MYO15A: variants seen among roughly 807,000 people sequenced by gnomAD.
MYO15A encodes the protein myosin XVA.
Under a neutral mutation model 394.6 loss-of-function variants are expected in MYO15A, and 308 were observed. The observed-to-expected ratio is 0.78, with a 90% CI of 0.71 to 0.86. MYO15A has a LOEUF of 0.86. MYO15A is among the 40% of genes least tolerant of loss of function. MYO15A has a pLI of 0.00. For missense variants in MYO15A, 4,606 were observed against 4,799.1 expected, an observed-to-expected ratio of 0.96 and a Z score of 1.19; for synonymous variants, 1,957 against 2,003.8, an observed-to-expected ratio of 0.98 and a Z score of 0.62.
In MYO15A at chr17:18,140,590, C is replaced by T. The variant is rs1368620740; in HGVS notation, c.5285C>T (p.Thr1762Ile). 6.2e-7 allele frequency: 1 copy of T among 1,613,764 alleles called. No individual in the cohort carries two copies. The highest frequency in any genetic ancestry group is 1.1e-5 in the South Asian group (1 of 91,086). The change falls in exon 20 of 66, where the codon ACT becomes ATT. Residue 1762 changes from threonine to isoleucine, a missense_variant. By Grantham distance (89) the Thr-to-Ile change is moderately conservative. Around this residue, in one of 2 missense-constraint regions of MYO15A, gnomAD observed 2,776 missense variants for 3,109.3 expected, o/e 0.89. Coordinates refer to ENST00000647165, the MANE Select transcript of MYO15A (RefSeq NM_016239.4). ...CGCCTGGGCAAGAGCAGCTCCGTCA[C>T]TCGGCTCTACAAGGCGCACACTGTG... Reference protein sequence around the residue: ...PQRLGKSSSVTRLYKAHTVAA... With the variant: ...PQRLGKSSSVIRLYKAHTVAA...
At position 18,140,477 on chromosome 17, in the gene MYO15A, A is replaced by G. The variant is rs535346806; in HGVS notation, c.5212-40A>G. 1.9e-6 allele frequency: 3 copies of G among 1,612,762 alleles called. No individual in the cohort carries two copies. In the African/African-American group the frequency reaches 4.0e-5, roughly 22 times the overall value. On this transcript the variant is annotated intron_variant, in intron 19 of 65. Coordinates refer to ENST00000647165, the MANE Select transcript of MYO15A (RefSeq NM_016239.4). ...CTTCCTCCTCATTTCGGTCTCCCGGACCCTGCCTGTCTGTTTTCCCTGCCC... is the reference window on the plus strand; with the variant it reads ...CTTCCTCCTCATTTCGGTCTCCCGGGCCCTGCCTGTCTGTTTTCCCTGCCC...
rs112387527 is a variant in MYO15A at position 18,136,617 on chromosome 17, G to A, written c.4710G>A (p.Arg1570=). The A allele has an allele frequency of 1.1e-4, 181 of 1,613,834 alleles. 1 individual carries two copies. In the African/African-American group the frequency reaches 1.8e-3, roughly 16 times the overall value. The change falls in exon 15 of 66, where the codon AGG becomes AGA. Residue 1570 remains arginine, a synonymous_variant. Coordinates refer to ENST00000647165, the MANE Select transcript of MYO15A (RefSeq NM_016239.4). ...YALLFSWLIT[R]VNALVSPRQD... ...TGCTGTTCAGCTGGCTCATCACCAG[G>A]GTCAACGCGCTGGTGTCCCCAAGGC...
rs552394024 is a variant in MYO15A, at chr17:18,146,753, T to C, written c.6509+646T>C. Among the ~76,000 whole-genome samples, 148 of 152,250 alleles carry C rather than the reference T, an allele frequency of 9.7e-4. 1 individual carries two copies. Among genetic ancestry groups the C allele is most frequent in the Admixed American group, 2.6e-4 (4 of 15,298 alleles). On this transcript the variant is annotated intron_variant, in intron 30 of 65. Coordinates refer to ENST00000647165, the MANE Select transcript of MYO15A (RefSeq NM_016239.4). ...CAGCCTGGACAATGTATTGAGACCT[T>C]GTCTCTGCAAAAAATTTAAAAATTA...
At chr17:18,162,775 A>G (rs2046795551) in intron 58 of MYO15A, 96 bp downstream of exon 58, 2 of 1,268,488 alleles carry the variant, frequency 1.6e-6, no homozygotes, top group Admixed American at 1.9e-5. Flanking sequence ...TGAGGCGGGC[A>G]GATCACCTGA....
chr17:18,151,968 G>A lies in MYO15A; in HGVS notation c.7893+17G>A. On this transcript the variant is annotated intron_variant, in intron 41 of 65. Coordinates refer to ENST00000647165, the MANE Select transcript of MYO15A (RefSeq NM_016239.4). ...GGCACCCAGGTGAGGGGGGAAGGTG[G>A]GGCTGAGCCCAGGTGGAACAGAAGA... is the stretch of plus-strand genomic sequence containing the variant. 6.4e-7 allele frequency: 1 copy of A among 1,552,500 alleles called. No homozygotes were observed.
intron 48 of MYO15A, among the ~76,000 whole-genome samples, chr17:18,156,552 C>T (rs941166058): frequency 6.6e-6 from 1 of 152,244 alleles, no homozygotes; most frequent in Admixed American, 6.5e-5. Context: ...ACAGCACCTC[C>T]TCTGAGGTCT....
At position 18,128,174 on chromosome 17, in the gene MYO15A, T is replaced by C. The variant is rs116114383; in HGVS notation, c.4032+1009T>C. Among the ~76,000 whole-genome samples the C allele has an allele frequency of 2.4e-3, 367 of 152,018 alleles. 2 individuals are homozygous for C. Among genetic ancestry groups the C allele is most frequent in the African/African-American group, 8.3e-3 (345 of 41,432 alleles). On this transcript the variant is annotated intron_variant, in intron 7 of 65. Transcript: ENST00000647165. ...ACTGTCGGAGGGTGACCCCAGACAT[T>C]CGGTCTGAGCCACAGGCAGCATGGA...
Position 18,155,050 on chromosome 17 carries a change from C to T in MYO15A, c.8225-60C>T, listed in dbSNP as rs374306436. 87 of 1,510,770 alleles carry T rather than the reference C, an allele frequency of 5.8e-5. 1 individual carries two copies. In the East Asian group the frequency reaches 8.6e-4, roughly 15 times the overall value. 93.6% of individuals were successfully genotyped at this position (1,510,770 alleles called of 1,614,324 possible). A position where few individuals can be genotyped will look rare whatever the true frequency, so the allele number is the denominator to read the frequency against. ...CAGCCACCTCCCTCCCTGACATCCC[C>T]GAGATGGGGGTTGCCAGGGGAGTGG... On this transcript the variant is annotated intron_variant, in intron 45 of 65. Transcript: ENST00000647165.
At chr17:18,161,295 T>C in intron 56 of MYO15A, 22 bp from the exon 57 acceptor site, 1 of 1,612,816 alleles carries the variant, frequency 6.2e-7, no homozygotes, top group Non-Finnish European at 8.5e-7. Flanking sequence ...ACCTCTGCTG[T>C]AGCCCCCATG....
At chr17:18,138,695 AGTT>A in intron 17 of MYO15A, 113 bp from the exon 18 acceptor site, 1 of 1,402,774 alleles carries the variant, frequency 7.1e-7, no homozygotes, top group Non-Finnish European at 9.8e-7. Flanking sequence ...GGAAGCTGTG[AGTT>A]GTTCCTCTCT....
At chr17:18,159,744 C>T in intron 55 of MYO15A, 65 bp downstream of exon 55, 1 of 1,564,868 alleles carries the variant, frequency 6.4e-7, no homozygotes, top group Non-Finnish European at 8.8e-7. Context: ...CCCCATCTAT[C>T]AATGAGTCAC....
At position 18,120,697 on chromosome 17, in the gene MYO15A, C is replaced by A. The variant is rs1056888186; in HGVS notation, c.1897C>A (p.Pro633Thr). Reference protein sequence around the residue: ...GTPIVLRRAQPRARSSNDARR... With the variant: ...GTPIVLRRAQTRARSSNDARR... ...GCCCATCGTGCTGAGGAGGGCCCAG[C>A]CACGCGCTCGCAGCAGCAACGACGC... The change falls in exon 2 of 66, where the codon CCA (proline) becomes ACA (threonine). Residue 633 changes from proline to threonine, a missense_variant. This residue lies in a region of MYO15A where 1,830 missense variants were observed against 1,689.7 expected (regional missense o/e 1.08). Coordinates refer to ENST00000647165, the MANE Select transcript of MYO15A (RefSeq NM_016239.4). 6 of 1,551,394 alleles carry A rather than the reference C, an allele frequency of 3.9e-6. 1 individual carries two copies. The African/African-American group carries it at 8.3e-5, about 22-fold the overall frequency.
At position 18,148,133 on chromosome 17, in the gene MYO15A, C is replaced by A. The variant is rs121908970; in HGVS notation, c.6614C>A (p.Thr2205Asn). The A allele has an allele frequency of 1.2e-6, 2 of 1,613,750 alleles. No homozygotes were observed. The highest frequency in any genetic ancestry group is 2.2e-5 in the South Asian group (2 of 91,084). The change falls in exon 31 of 66, where the codon ACC becomes AAC. Residue 2205 changes from threonine (T) to asparagine (N), a missense_variant. Coordinates refer to ENST00000647165, the MANE Select transcript of MYO15A (RefSeq NM_016239.4). The surrounding 1 kb of genome is among the most constrained non-coding windows in gnomAD (Gnocchi z 4.8). ...CAGCAGGGCTCGGGGGCTGCCCGCA[C>A]CTTACCCCCGACCCAGCTCGAGTGG... ...AQQQGSGAAR[T>N]LPPTQLEWTA...
rs868540930 is a variant in MYO15A at position 18,117,716 on chromosome 17, T to C, written c.-219-866T>C. On this transcript the variant is annotated intron_variant, in intron 1 of 65. Coordinates refer to ENST00000647165, the MANE Select transcript of MYO15A (RefSeq NM_016239.4). The surrounding 1 kb of genome is among the most constrained non-coding windows in gnomAD (Gnocchi z 4.1). ...CAACCAGACTTTGGACATGCAGCCT[T>C]AGGTCAGGCCATATGAAGCAATCAG... Among the ~76,000 whole-genome samples, 2 of 152,124 alleles carry C rather than the reference T, an allele frequency of 1.3e-5. No individual in the cohort carries two copies. Among genetic ancestry groups the C allele is most frequent in the Non-Finnish European group, 2.9e-5 (2 of 68,012 alleles).
intron 44 of MYO15A, 128 bp downstream of exon 44, chr17:18,154,318 C>T (rs1326858790): frequency 3.6e-6 from 4 of 1,117,486 alleles, no homozygotes; most frequent in Non-Finnish European, 5.3e-6. Flanking sequence ...TGAGGATGGG[C>T]AGCTGTTTTA....
intron 51 of MYO15A, 31 bp downstream of exon 51, chr17:18,157,931 G>GGGGGGGGGGGC: frequency 1.7e-5 from 7 of 412,676 alleles, no homozygotes; most frequent in Non-Finnish European, 3.1e-5. Flanking sequence ...GTGGGGCGGG[G>GGGGGGGGGGGC]TAGACCAGGG....
intron 1 of MYO15A, among the ~76,000 whole-genome samples, chr17:18,114,608 T>A (rs972562629): frequency 1.3e-5 from 2 of 152,188 alleles, no homozygotes; most frequent in Admixed American, 6.5e-5. Flanking sequence ...TTGCCCCTGC[T>A]ACTGTACTGG....
At chr17:18,152,526 C>T (rs146115899) in intron 42 of MYO15A, among the ~76,000 whole-genome samples, 3 of 152,238 alleles carry the variant, frequency 2.0e-5, no homozygotes, top group East Asian at 3.9e-4. Flanking sequence ...GGCCTCCTGG[C>T]ATCACAGTTG....
chr17:18,172,325 C>G (rs561897571), intron 64 of MYO15A, 35 bp downstream of exon 64: 2 of 1,613,968 alleles, frequency 1.2e-6, no homozygotes, highest in African/African-American at 1.3e-5. Flanking sequence ...CCATCGCCAC[C>G]CTCTGTTCCC....
Sources: gnomAD v4.1 joint callset for allele counts (sites outside exome capture counted in the v4.1 genomes callset) on GRCh38, gnomAD v4.1.1 for gene constraint, gnomAD v4.1.1 regional missense constraint, Gnocchi (gnomAD v3.1) non-coding constraint, MANE v1.5 for transcripts, NCBI Gene and HGNC (gene_info 2026-07-23, HGNC 2026-07-21) for gene names.